GAN: variants seen among roughly 807,000 people sequenced by gnomAD.
GAN encodes the protein gigaxonin.
GAN carries 48 observed loss-of-function variants against 71.3 expected under a neutral mutation model. The ratio of observed to expected loss-of-function variants is 0.67; its 90% CI spans 0.53 to 0.86. GAN has a LOEUF of 0.86. Ranked by LOEUF, GAN falls within the 40% of genes least tolerant of loss-of-function variation. GAN has a pLI of 0.00. For synonymous variants in GAN, 386 were observed against 276.8 expected, an observed-to-expected ratio of 1.39 and a Z score of -3.92; for missense variants, 928 against 770.1, an observed-to-expected ratio of 1.21 and a Z score of -2.43.
Position 81,377,341 on chromosome 16 carries a change from C to G in GAN, c.1612+13C>G, listed in dbSNP as rs80326128. ...GATCTTGATACAGGTAAGAGTGTTA[C>G]AGTGATTTTCTTGGAACTGTTTCCT... On this transcript the variant is annotated intron_variant, in intron 10 of 10. Coordinates refer to ENST00000648994, the MANE Select transcript of GAN (RefSeq NM_022041.4). The G allele has an allele frequency of 1.7e-3, 2,661 of 1,580,128 alleles. 52 individuals are homozygous for G. In the African/African-American group the frequency reaches 0.033, roughly 19 times the overall value.
At position 81,363,949 on chromosome 16, in the gene GAN, G is replaced by C; in HGVS notation, c.1236+6G>C. ...ATTTGACCATGGTCAGAAAGGTGAG[G>C]ACTGCATTTTGTGATAACTAGTCTG... is the stretch of plus-strand genomic sequence containing the variant. On this transcript the variant is annotated splice_donor_region_variant and intron_variant, in intron 7 of 10. Transcript: ENST00000648994. 1 of 1,610,352 alleles carries C rather than the reference G, an allele frequency of 6.2e-7. No homozygotes were observed. Among genetic ancestry groups the C allele is most frequent in the Non-Finnish European group, 8.5e-7 (1 of 1,176,598 alleles).
In GAN at chr16:81,385,452, C is replaced by G. The variant is rs1364838488; in HGVS notation, c.*7856C>G. The G allele has an allele frequency of 6.6e-6, 1 of 152,210 alleles. No homozygotes were observed. The highest frequency in any genetic ancestry group is 1.5e-5 in the Non-Finnish European group (1 of 68,058). The allele number at this position is 152,210 out of a possible 1,614,324, so 9.4% of individuals were successfully genotyped here. On this transcript the variant is annotated 3_prime_UTR_variant, in exon 11 of 11. Transcript: ENST00000648994. ...TTCTGCCACACTTACTACTCTGTGA[C>G]TTGGGAAGCTCTTAAGGCTCCCAAG...
At chr16:81,331,254 C>A (rs971515155) in intron 1 of GAN, among the ~76,000 whole-genome samples, 2 of 152,090 alleles carry the variant, frequency 1.3e-5, no homozygotes, top group Non-Finnish European at 2.9e-5. Context: ...AATTAATTGA[C>A]CAGTGCACAT....
At chr16:81,351,794 T>A in intron 2 of GAN, 97 bp downstream of exon 2, 1 of 756,466 alleles carries the variant, frequency 1.3e-6, no homozygotes. Context: ...AGTAGCACTG[T>A]CATCTTCATC....
At chr16:81,353,073 C>T (rs910808761) in intron 2 of GAN, among the ~76,000 whole-genome samples, 3 of 152,076 alleles carry the variant, frequency 2.0e-5, no homozygotes, top group Admixed American at 6.5e-5. Flanking sequence ...GGGTGGATCA[C>T]GAGGTCAGGA....
chr16:81,354,833 T>G (rs1186093011), intron 3 of GAN, 78 bp downstream of exon 3: 1 of 833,236 alleles, frequency 1.2e-6, no homozygotes, highest in Non-Finnish European at 2.0e-6. Context: ...TTATTTTTCT[T>G]CTTCATCATG....
intron 1 of GAN, among the ~76,000 whole-genome samples, chr16:81,349,930 G>A (rs1380992144): frequency 6.6e-6 from 1 of 152,018 alleles, no homozygotes; most frequent in Non-Finnish European, 1.5e-5. Context: ...ATGTTTCAAA[G>A]CTATTTTTAA....
At position 81,315,108 on chromosome 16, in the gene GAN, G is replaced by C; in HGVS notation, c.-6G>C. The C allele has an allele frequency of 6.7e-7, 1 of 1,487,946 alleles. No individual in the cohort carries two copies. The highest frequency in any genetic ancestry group is 9.0e-7 in the Non-Finnish European group (1 of 1,115,462). 92.2% of individuals were successfully genotyped at this position (1,487,946 alleles called of 1,614,324 possible). A position where few individuals can be genotyped will look rare whatever the true frequency, so the allele number is the denominator to read the frequency against. On this transcript the variant is annotated 5_prime_UTR_variant, in exon 1 of 11. Coordinates refer to ENST00000648994, the MANE Select transcript of GAN (RefSeq NM_022041.4). ...CGGACCCGTCGGCAGAGGAGCGGGC[G>C]CCGCGATGGCTGAGGGCAGTGCCGT... is the stretch of plus-strand genomic sequence containing the variant.
In GAN at chr16:81,363,843, T is replaced by C; in HGVS notation, c.1136T>C (p.Leu379Ser). Residue 379 changes from leucine (L) to serine (S), a missense_variant, in exon 7 of 11, where the codon TTG becomes TCG. By Grantham distance (145) the Leu-to-Ser change is moderately radical. Transcript: ENST00000648994. ...GAGATAGATGGGATGCTGTACATTT[T>C]GGGAGGAGAGGATGGTGAAAAGGAG... Reference protein sequence around the residue: ...IVEIDGMLYILGGEDGEKELI... With the variant: ...IVEIDGMLYISGGEDGEKELI... 6.2e-7 allele frequency: 1 copy of C among 1,612,706 alleles called. No homozygotes were observed. The highest frequency in any genetic ancestry group is 8.5e-7 in the Non-Finnish European group (1 of 1,178,678).
At chr16:81,335,671 C>T (rs913642671) in intron 1 of GAN, among the ~76,000 whole-genome samples, 5 of 140,512 alleles carry the variant, frequency 3.6e-5, no homozygotes, top group South Asian at 2.3e-4. Context: ...CGCTTGAACT[C>T]GGGAGGCGGA....
rs533170633 is a variant in GAN, at chr16:81,367,838, C to G, written c.1502+2360C>G. On this transcript the variant is annotated intron_variant, in intron 9 of 10. Transcript: ENST00000648994. ...GAGGTGGGATCTGAACTCAGGCGTT[C>G]TGGCCCCAGAGTCCACCTTTTCAAC... Among the ~76,000 whole-genome samples, 12 of 152,322 alleles carry G rather than the reference C, an allele frequency of 7.9e-5. No individual in the cohort carries two copies. In the South Asian group the frequency reaches 2.5e-3, roughly 32 times the overall value.
chr16:81,347,273 A>G (rs1380463534), intron 1 of GAN, among the ~76,000 whole-genome samples: 1 of 152,236 alleles, frequency 6.6e-6, no homozygotes, highest in East Asian at 1.9e-4. Flanking sequence ...CTGTACGGGC[A>G]GGAATAGTAG....
At chr16:81,358,039 TAC>T (rs1251165372) in intron 5 of GAN, 108 bp downstream of exon 5, 95 of 968,678 alleles carry the variant, frequency 9.8e-5, no homozygotes, top group Non-Finnish European at 3.3e-5. Flanking sequence ...TTATTATCTC[TAC>T]ATGACATTTT....
At chr16:81,315,713 C>T (rs1909014430) in intron 1 of GAN, among the ~76,000 whole-genome samples, 1 of 152,236 alleles carries the variant, frequency 6.6e-6, no homozygotes, top group African/African-American at 2.4e-5. Context: ...CCCGCGGTCC[C>T]CGCTGAAGTT....
rs1357220441 is a variant in GAN at position 81,389,598 on chromosome 16, T to C, written c.*12002T>C. The C allele has an allele frequency of 6.6e-6, 1 of 152,248 alleles. No homozygotes were observed. Among genetic ancestry groups the C allele is most frequent in the African/African-American group, 2.4e-5 (1 of 41,458 alleles). 9.4% of individuals were successfully genotyped at this position (152,248 alleles called of 1,614,324 possible). On this transcript the variant is annotated 3_prime_UTR_variant, in exon 11 of 11. Coordinates refer to ENST00000648994, the MANE Select transcript of GAN (RefSeq NM_022041.4). ...GCAGTGACAGTGATGTCTGTACCTA[T>C]CTGTGAGTGAGACCCATTCATGACA...
At chr16:81,352,514 A>T (rs182239313) in intron 2 of GAN, among the ~76,000 whole-genome samples, 1 of 151,978 alleles carries the variant, frequency 6.6e-6, no homozygotes, top group Non-Finnish European at 1.5e-5. Context: ...TTTCATCTTT[A>T]TTCTTTCTGA....
chr16:81,340,114 T>A lies in GAN; in HGVS notation c.168-11469T>A, dbSNP rs548233913. Among the ~76,000 whole-genome samples the A allele has an allele frequency of 2.0e-5, 3 of 152,280 alleles. No individual in the cohort carries two copies. The East Asian group carries it at 5.8e-4, about 29-fold the overall frequency. ...TTCTTTATATTTGTTCGTTTCTTTG[T>A]TTTAAATAGAGATGAGGTCTTGCTG... On this transcript the variant is annotated intron_variant, in intron 1 of 10. Transcript: ENST00000648994.
At chr16:81,369,479 A>G (rs967722489) in intron 9 of GAN, among the ~76,000 whole-genome samples, 7 of 152,160 alleles carry the variant, frequency 4.6e-5, no homozygotes, top group African/African-American at 1.4e-4. Context: ...TATTTCAAAC[A>G]TGTTATCAAT....
At chr16:81,347,164 C>T (rs1310207590) in intron 1 of GAN, among the ~76,000 whole-genome samples, 1 of 152,234 alleles carries the variant, frequency 6.6e-6, no homozygotes, top group South Asian at 2.1e-4. Context: ...CAAATTCTTT[C>T]CTTCACTTTT....
Sources: allele counts gnomAD v4.1 joint callset (sites outside exome capture counted in the v4.1 genomes callset), GRCh38; gene constraint gnomAD v4.1.1; transcripts MANE v1.5; gene names NCBI Gene and HGNC (gene_info 2026-07-23, HGNC 2026-07-21).